ARHGAP12: variants seen among roughly 807,000 people sequenced by gnomAD.
The protein encoded by ARHGAP12 is rho GTPase-activating protein 12.
Under a neutral mutation model 108.6 loss-of-function variants are expected in ARHGAP12, and 64 were observed. That is an observed-to-expected ratio of 0.59 (90% CI 0.48 to 0.73). The LOEUF (loss-of-function observed/expected upper bound fraction) is 0.73, where lower values mean the gene tolerates loss of function less well. Ranked by LOEUF, ARHGAP12 falls within the 30% of genes least tolerant of loss-of-function variation. The probability of loss-of-function intolerance (pLI) is 0.00; values close to 1 mark genes in which losing one functional copy is unlikely to be tolerated. For missense variants in ARHGAP12, 940 were observed against 1,005.9 expected, an observed-to-expected ratio of 0.93 and a Z score of 0.89; for synonymous variants, 312 against 337.2, an observed-to-expected ratio of 0.93 and a Z score of 0.82.
intron 3 of ARHGAP12, among the ~76,000 whole-genome samples, chr10:31,882,820 G>GAAAAAAAAAAAAA (rs60532023): frequency 7.7e-6 from 1 of 130,254 alleles, no homozygotes; most frequent in Non-Finnish European, 1.6e-5. Flanking sequence ...CTCTTAAAAA[G>GAAAAAAAAAAAAA]AAAAAAAAAA....
In ARHGAP12 at chr10:31,825,439, T is replaced by G. The variant is rs370336159; in HGVS notation, c.1530+865A>C. On this transcript the variant is annotated intron_variant, in intron 11 of 19. Transcript: ENST00000344936. ...TTCATTTTAAATTTTACTTGAGCATTAGCACTTCAAACTCAATTACCAAAA... is the reference window on the plus strand; with the variant it reads ...TTCATTTTAAATTTTACTTGAGCATGAGCACTTCAAACTCAATTACCAAAA... Among the ~76,000 whole-genome samples, 16 of 152,278 alleles carry G rather than the reference T, an allele frequency of 1.1e-4. No homozygotes were observed. The East Asian group carries it at 2.7e-3, about 26-fold the overall frequency.
intron 6 of ARHGAP12, 43 bp downstream of exon 6, chr10:31,852,474 A>G: frequency 1.5e-6 from 2 of 1,369,948 alleles, no homozygotes; most frequent in Non-Finnish European, 2.1e-6. Context: ...ATATTACTTC[A>G]TCTACTATTT....
intron 11 of ARHGAP12, among the ~76,000 whole-genome samples, chr10:31,820,719 T>C (rs1490782353): frequency 1.3e-5 from 1 of 74,732 alleles, no homozygotes; most frequent in Non-Finnish European, 3.0e-5. Context: ...ATATTATATA[T>C]ATATATATAT....
At chr10:31,895,693 G>A (rs1838652979) in intron 3 of ARHGAP12, among the ~76,000 whole-genome samples, 1 of 152,154 alleles carries the variant, frequency 6.6e-6, no homozygotes, top group South Asian at 2.1e-4. Context: ...ATTCCTCAAG[G>A]ATCTAGAACT....
At chr10:31,839,211 C>T in intron 9 of ARHGAP12, 94 bp downstream of exon 9, 1 of 1,322,500 alleles carries the variant, frequency 7.6e-7, no homozygotes, top group Non-Finnish European at 1.1e-6. Context: ...TATATTATTT[C>T]CAATATTCAT....
intron 1 of ARHGAP12, among the ~76,000 whole-genome samples, chr10:31,919,187 C>T (rs1330705514): frequency 6.6e-6 from 1 of 152,046 alleles, no homozygotes; most frequent in East Asian, 1.9e-4. Flanking sequence ...TTCATAAAGA[C>T]AGAAAGCAGA....
intron 10 of ARHGAP12, among the ~76,000 whole-genome samples, chr10:31,830,115 T>TA (rs1835776399): frequency 6.6e-6 from 1 of 152,180 alleles, no homozygotes. Context: ...TAGGTATTTT[T>TA]AAAAAAATTA....
intron 2 of ARHGAP12, among the ~76,000 whole-genome samples, chr10:31,909,410 A>G (rs1839263117): frequency 6.6e-6 from 1 of 152,052 alleles, no homozygotes; most frequent in Admixed American, 6.5e-5. Flanking sequence ...TCCTCACATC[A>G]CTACAGCATG....
At chr10:31,882,285 C>T (rs1047379937) in intron 3 of ARHGAP12, among the ~76,000 whole-genome samples, 1 of 151,998 alleles carries the variant, frequency 6.6e-6, no homozygotes, top group African/African-American at 2.4e-5. Context: ...TGGGATTTTC[C>T]AATATTTCCA....
intron 3 of ARHGAP12, among the ~76,000 whole-genome samples, chr10:31,869,538 AAAAC>A (rs144777314): frequency 0.23 from 34,408 of 151,618 alleles, 4,185 homozygotes; most frequent in East Asian, 0.47. Flanking sequence ...CTCTGTCTCA[AAAAC>A]AAACAAACAA....
chr10:31,814,114 A>T, intron 14 of ARHGAP12, 145 bp downstream of exon 14: 1 of 653,292 alleles, frequency 1.5e-6, no homozygotes. Context: ...AAGAGCGCTG[A>T]CACACTGAGA....
chr10:31,899,958 G>A (rs1455766249), intron 3 of ARHGAP12, among the ~76,000 whole-genome samples: 1 of 152,222 alleles, frequency 6.6e-6, no homozygotes, highest in East Asian at 1.9e-4. Context: ...GGAAGTATTT[G>A]TAAAACATAC....
intron 3 of ARHGAP12, among the ~76,000 whole-genome samples, chr10:31,892,919 T>C (rs1335464733): frequency 6.6e-6 from 1 of 152,080 alleles, no homozygotes; most frequent in Non-Finnish European, 1.5e-5. Context: ...CACAGTGCAA[T>C]CAAACTAGAA....
chr10:31,907,858 A>G (rs777110563), intron 3 of ARHGAP12, among the ~76,000 whole-genome samples: 11 of 152,224 alleles, frequency 7.2e-5, no homozygotes, highest in Non-Finnish European at 1.0e-4. Context: ...AAGAAATATC[A>G]TCACTGAGTA....
chr10:31,922,951 G>A (rs901561332), intron 1 of ARHGAP12, among the ~76,000 whole-genome samples: 7 of 151,782 alleles, frequency 4.6e-5, no homozygotes, highest in Non-Finnish European at 7.4e-5. Flanking sequence ...AACATAGCAC[G>A]AACCCGTCTC....
chr10:31,825,072 C>T (rs1835554912), intron 11 of ARHGAP12, among the ~76,000 whole-genome samples: 1 of 152,112 alleles, frequency 6.6e-6, no homozygotes, highest in Non-Finnish European at 1.5e-5. Flanking sequence ...GTCATTTCCA[C>T]TGGAATGGCT....
Position 31,814,261 on chromosome 10 carries a change from C to A in ARHGAP12, c.1832G>T (p.Arg611Leu). The A allele has an allele frequency of 6.2e-7, 1 of 1,613,208 alleles. No individual in the cohort carries two copies. Among genetic ancestry groups the A allele is most frequent in the Non-Finnish European group, 8.5e-7 (1 of 1,179,266 alleles). Residue 611 changes from arginine (R) to leucine (L), a missense_variant and splice_region_variant, in exon 14 of 20, where the codon CGT (arginine) becomes CTT (leucine). Coordinates refer to ENST00000344936, the MANE Select transcript of ARHGAP12 (RefSeq NM_018287.7). ...EKEQKDPKKL[R>L]SFKVSSIDSS... ...AAAATAGGGAAAGGACAACTTACAA[C>A]GAAGCTTTTTGGGATCCTTTTGTTC...
intron 3 of ARHGAP12, among the ~76,000 whole-genome samples, chr10:31,898,877 G>A (rs1294856170): frequency 1.3e-5 from 2 of 151,962 alleles, no homozygotes; most frequent in Admixed American, 6.6e-5. Context: ...AAAAAAACAC[G>A]TCCACAGATG....
intron 11 of ARHGAP12, among the ~76,000 whole-genome samples, chr10:31,820,877 T>G (rs1347533951): frequency 1.3e-5 from 2 of 152,008 alleles, no homozygotes; most frequent in African/African-American, 4.8e-5. Context: ...GAAAAATTGG[T>G]AATGCTATAT....
Sources: gnomAD v4.1 joint callset for allele counts (sites outside exome capture counted in the v4.1 genomes callset) on GRCh38, gnomAD v4.1.1 for gene constraint, MANE v1.5 for transcripts, NCBI Gene and HGNC (gene_info 2026-07-23, HGNC 2026-07-21) for gene names.